Variants in NCAPH observed in about 807,000 individuals in gnomAD.
NCAPH encodes the protein condensin complex subunit 2.
Under a neutral mutation model 85.5 loss-of-function variants are expected in NCAPH, and 38 were observed. The observed-to-expected ratio is 0.44, with a 90% CI of 0.34 to 0.58. The LOEUF (loss-of-function observed/expected upper bound fraction) is 0.58. Among genes scored for constraint, NCAPH ranks in the 20% least tolerant of loss-of-function variants. NCAPH has a pLI of 0.01. For synonymous variants in NCAPH, 301 were observed against 335.1 expected (o/e 0.90, Z 1.11); for missense variants, 789 against 916.6 (o/e 0.86, Z 1.80).
At chr2:96,346,365 G>A (rs1458044271) in intron 6 of NCAPH, among the ~76,000 whole-genome samples, 1 of 152,158 alleles carries the variant, frequency 6.6e-6, no homozygotes, top group East Asian at 1.9e-4. Context: ...GTCTACTTGA[G>A]GGTGGTGGCA....
intron 13 of NCAPH, among the ~76,000 whole-genome samples, chr2:96,365,409 C>A (rs981144623): frequency 6.6e-6 from 1 of 152,002 alleles, no homozygotes; most frequent in Non-Finnish European, 1.5e-5. Flanking sequence ...CCACCCCACC[C>A]CCTGCCCGAA....
At chr2:96,341,580 A>G in intron 1 of NCAPH, 62 bp from the exon 2 acceptor site, 1 of 1,562,886 alleles carries the variant, frequency 6.4e-7, no homozygotes, top group Non-Finnish European at 8.7e-7. Context: ...GACAGGCTCA[A>G]GACTTCTTTG....
intron 6 of NCAPH, among the ~76,000 whole-genome samples, chr2:96,351,148 T>C (rs988211900): frequency 2.6e-5 from 4 of 152,204 alleles, no homozygotes; most frequent in Admixed American, 2.6e-4. Flanking sequence ...AGAGGAACAA[T>C]AGAGCCCTGT....
Position 96,353,516 on chromosome 2 carries a change from C to T in NCAPH, c.1002+119C>T, listed in dbSNP as rs548277612. The T allele has an allele frequency of 2.3e-5, 21 of 894,978 alleles. No individual in the cohort carries two copies. In the South Asian group the frequency reaches 2.5e-4, roughly 11 times the overall value. 55.4% of individuals were successfully genotyped at this position (894,978 alleles called of 1,614,324 possible). ...TAGCCAGGAGTACAGAAAATATTTC[C>T]TTTGGCACTTCTGTAGGGACAAAAA... On this transcript the variant is annotated intron_variant, in intron 8 of 17. Coordinates refer to ENST00000240423, the MANE Select transcript of NCAPH (RefSeq NM_015341.5).
chr2:96,342,211 C>T (rs559466645), intron 3 of NCAPH, 71 bp downstream of exon 3: 5 of 1,302,312 alleles, frequency 3.8e-6, no homozygotes, highest in South Asian at 3.6e-5. Flanking sequence ...TATCTTGTTT[C>T]TGTAGATAAT....
chr2:96,359,009 A>G, intron 9 of NCAPH, 36 bp from the exon 10 acceptor site: 16 of 1,596,102 alleles, frequency 1.0e-5, no homozygotes, highest in Non-Finnish European at 1.4e-5. Context: ...GCATTATAAT[A>G]TATGTATTGT....
At chr2:96,349,480 C>A (rs2104443713) in intron 6 of NCAPH, among the ~76,000 whole-genome samples, 2 of 152,100 alleles carry the variant, frequency 1.3e-5, no homozygotes, top group Admixed American at 1.3e-4. Flanking sequence ...CTCCTGGGTT[C>A]AAGCAATTCT....
Position 96,376,300 on chromosome 2 carries a change from A to C in NCAPH, c.*2949A>C, listed in dbSNP as rs2064831106. On this transcript the variant is annotated 3_prime_UTR_variant, in exon 18 of 18. Coordinates refer to ENST00000240423, the MANE Select transcript of NCAPH (RefSeq NM_015341.5). ...AAGAGGGAATTGCAATTTGCAAGAG[A>C]GGGGCAATTTGCAATTTGCAAGAGA... Among the ~76,000 whole-genome samples the C allele has an allele frequency of 6.6e-6, 1 of 152,102 alleles. No homozygotes were observed. The highest frequency in any genetic ancestry group is 1.5e-5 in the Non-Finnish European group (1 of 68,002).
intron 17 of NCAPH, among the ~76,000 whole-genome samples, chr2:96,371,684 C>T (rs2064775304): frequency 6.6e-6 from 1 of 152,224 alleles, no homozygotes; most frequent in African/African-American, 2.4e-5. Context: ...GAGGCCATTA[C>T]TGGGGCCTGG....
intron 10 of NCAPH, 23 bp from the exon 11 acceptor site, chr2:96,360,120 T>A: frequency 7.6e-7 from 1 of 1,319,366 alleles, no homozygotes; most frequent in Non-Finnish European, 1.1e-6. Context: ...AGTGAAGTGC[T>A]GACGTCTGTG....
Position 96,360,687 on chromosome 2 carries a change from C to A in NCAPH, c.1564C>A (p.Leu522Ile). 6.2e-7 allele frequency: 1 copy of A among 1,614,190 alleles called. No individual in the cohort carries two copies. The highest frequency in any genetic ancestry group is 8.5e-7 in the Non-Finnish European group (1 of 1,180,038). ...FNYNVDTLVQ[L>I]HLKPGTRLLK... ...CTACAATGTTGACACTCTGGTCCAG[C>A]TTCACCTCAAACCAGGCACCAGGGT... The change falls in exon 12 of 18, where the codon CTT becomes ATT. Residue 522 changes from leucine to isoleucine, a missense_variant. Physicochemically the swap from Leu to Ile is conservative, Grantham distance 5 (BLOSUM62 2). Coordinates refer to ENST00000240423, the MANE Select transcript of NCAPH (RefSeq NM_015341.5).
intron 6 of NCAPH, among the ~76,000 whole-genome samples, chr2:96,347,788 G>A (rs1349844865): frequency 6.6e-6 from 1 of 152,184 alleles, no homozygotes; most frequent in African/African-American, 2.4e-5. Context: ...GATGGTAGTG[G>A]TAAGACTGAG....
At chr2:96,353,217 CT>C in intron 7 of NCAPH, 88 bp from the exon 8 acceptor site, 1 of 1,054,356 alleles carries the variant, frequency 9.5e-7, no homozygotes, top group South Asian at 1.4e-5. Context: ...CCTCTCATCT[CT>C]CGTCCCACTC....
At chr2:96,360,817 G>T in intron 12 of NCAPH, 107 bp downstream of exon 12, 4 of 1,406,678 alleles carry the variant, frequency 2.8e-6, no homozygotes, top group Non-Finnish European at 3.9e-6. Flanking sequence ...GGAGTGGTAT[G>T]TGTTAGCCAA....
chr2:96,345,852 A>G (rs1259254844), intron 6 of NCAPH, among the ~76,000 whole-genome samples: 1 of 152,136 alleles, frequency 6.6e-6, no homozygotes, highest in Non-Finnish European at 1.5e-5. Context: ...ATTCTTGTGG[A>G]TCTGAAATTT....
At chr2:96,342,896 A>G in intron 4 of NCAPH, 48 bp downstream of exon 4, 1 of 1,496,770 alleles carries the variant, frequency 6.7e-7, no homozygotes, top group Non-Finnish European at 9.3e-7. Context: ...AATGATGATG[A>G]TTTCTACTAC....
chr2:96,371,353 C>T (rs1304241651), intron 17 of NCAPH, among the ~76,000 whole-genome samples: 1 of 152,148 alleles, frequency 6.6e-6, no homozygotes, highest in Admixed American at 6.5e-5. Flanking sequence ...TTACTGCTTT[C>T]GCTCATCAGC....
intron 6 of NCAPH, among the ~76,000 whole-genome samples, chr2:96,348,190 C>CTTTT (rs544549788): frequency 7.2e-6 from 1 of 139,510 alleles, no homozygotes; most frequent in Non-Finnish European, 1.6e-5. Flanking sequence ...AGGTCTCTCT[C>CTTTT]TTTTTTTTTT....
chr2:96,369,606 T>A (rs1440948732), intron 17 of NCAPH, 106 bp downstream of exon 17: 5 of 1,183,394 alleles, frequency 4.2e-6, no homozygotes, highest in Admixed American at 1.8e-5. Flanking sequence ...ATTTCTTAAA[T>A]ACAGTGACTT....
Sources: allele counts gnomAD v4.1 joint callset (sites outside exome capture counted in the v4.1 genomes callset), GRCh38; gene constraint gnomAD v4.1.1; transcripts MANE v1.5; gene names NCBI Gene and HGNC (gene_info 2026-07-23, HGNC 2026-07-21).